The following PLXNA4 variants were observed in gnomAD, a reference collection of about 807,000 sequenced individuals.
PLXNA4 encodes the protein plexin-A4.
Under a neutral mutation model 191.8 loss-of-function variants are expected in PLXNA4, and 44 were observed. That is an observed-to-expected ratio of 0.23 (90% confidence interval 0.18 to 0.29). The LOEUF (loss-of-function observed/expected upper bound fraction) is 0.29. PLXNA4 is among the 10% of genes least tolerant of loss of function. The probability of loss-of-function intolerance (pLI) is 1.00; values close to 1 mark genes in which losing one functional copy is unlikely to be tolerated. For missense variants in PLXNA4, 1,800 were observed against 2,488.8 expected, an observed-to-expected ratio of 0.72 and a Z score of 5.89; for synonymous variants, 1,082 against 1,009.5, an observed-to-expected ratio of 1.07 and a Z score of -1.36.
intron 3 of PLXNA4, among the ~76,000 whole-genome samples, chr7:132,457,342 G>T (rs1796351246): frequency 6.6e-6 from 1 of 152,172 alleles, no homozygotes; most frequent in South Asian, 2.1e-4. Flanking sequence ...CATTACTGCT[G>T]AAAGTAAACA....
At chr7:132,479,192 C>A (rs1797243940) in intron 3 of PLXNA4, among the ~76,000 whole-genome samples, 1 of 151,676 alleles carries the variant, frequency 6.6e-6, no homozygotes, top group Non-Finnish European at 1.5e-5. Flanking sequence ...TCGCTAGAAC[C>A]CAGAAGTTTG....
chr7:132,568,581 C>T (rs912523056), intron 1 of PLXNA4, among the ~76,000 whole-genome samples: 2 of 152,204 alleles, frequency 1.3e-5, no homozygotes, highest in African/African-American at 2.4e-5. Context: ...CACGCCACCC[C>T]ACCCCAATTC....
chr7:132,313,348 G>A (rs983969273), intron 3 of PLXNA4, among the ~76,000 whole-genome samples: 5 of 152,204 alleles, frequency 3.3e-5, no homozygotes, highest in Admixed American at 6.5e-5. Flanking sequence ...GAAGTTGCAT[G>A]TGCCTGGAAC....
At chr7:132,593,164 T>C (rs759142838) in intron 2 of PLXNA4, among the ~76,000 whole-genome samples, 19 of 152,248 alleles carry the variant, frequency 1.2e-4, no homozygotes, top group Non-Finnish European at 2.6e-4. Context: ...CCTGGTGTTC[T>C]GCCAGTGGGG....
chr7:132,254,980 G>A (rs1206139171), intron 4 of PLXNA4, among the ~76,000 whole-genome samples: 16 of 152,052 alleles, frequency 1.1e-4, no homozygotes, highest in African/African-American at 3.6e-4. Context: ...GCTAATTTGG[G>A]CCCATTCTCA....
chr7:132,213,117 G>C (rs1166764363), intron 9 of PLXNA4, among the ~76,000 whole-genome samples: 1 of 152,248 alleles, frequency 6.6e-6, no homozygotes, highest in African/African-American at 2.4e-5. Context: ...GAACCTTGGG[G>C]ACATTATGCT....
chr7:132,181,371 C>A lies in PLXNA4; in HGVS notation c.3492+10G>T. ...TTTCCCACCCCCGCCTCCCACCACC[C>A]TCACTCCACCTTTAGGATGATGGGC... On this transcript the variant is annotated intron_variant, in intron 18 of 31. Transcript: ENST00000321063. 6.2e-7 allele frequency: 1 copy of A among 1,613,786 alleles called. No individual in the cohort carries two copies. The highest frequency in any genetic ancestry group is 1.1e-5 in the South Asian group (1 of 91,046).
At chr7:132,531,694 T>G (rs1281795868) in intron 1 of PLXNA4, among the ~76,000 whole-genome samples, 1 of 152,150 alleles carries the variant, frequency 6.6e-6, no homozygotes, top group East Asian at 1.9e-4. Context: ...AACTTTCGAG[T>G]GCTGTGACAA....
At chr7:132,492,379 T>A (rs1277241141) in intron 2 of PLXNA4, among the ~76,000 whole-genome samples, 1 of 152,202 alleles carries the variant, frequency 6.6e-6, no homozygotes, top group Non-Finnish European at 1.5e-5. Flanking sequence ...AGTATACATT[T>A]GGCTGGTTAC....
intron 2 of PLXNA4, among the ~76,000 whole-genome samples, chr7:132,497,607 T>TG (rs765554519): frequency 1.3e-5 from 2 of 152,212 alleles, no homozygotes; most frequent in African/African-American, 2.4e-5. Context: ...TCCAATCCTC[T>TG]GATTGCTTTC....
At chr7:132,442,362 CAAGA>C (rs1214890085) in intron 3 of PLXNA4, among the ~76,000 whole-genome samples, 1 of 152,114 alleles carries the variant, frequency 6.6e-6, no homozygotes, top group African/African-American at 2.4e-5. Context: ...AGCACTGAAA[CAAGA>C]AAGAGAAGCC....
intron 3 of PLXNA4, among the ~76,000 whole-genome samples, chr7:132,312,549 AAT>A (rs371999112): frequency 6.6e-6 from 1 of 152,188 alleles, no homozygotes; most frequent in African/African-American, 2.4e-5. Flanking sequence ...TATCAATAAT[AAT>A]ATATCCATTT....
chr7:132,366,153 C>A (rs1215187210), intron 3 of PLXNA4: 1 of 152,220 alleles, frequency 6.6e-6, no homozygotes, highest in Non-Finnish European at 1.5e-5. Flanking sequence ...TCAGTTCTTT[C>A]CTCACTTCCA....
intron 4 of PLXNA4, among the ~76,000 whole-genome samples, chr7:132,297,732 T>C (rs1584958713): frequency 6.6e-6 from 1 of 152,138 alleles, no homozygotes; most frequent in Non-Finnish European, 1.5e-5. Flanking sequence ...GCCAGGAAGG[T>C]GACTTTGGTA....
intron 1 of PLXNA4, among the ~76,000 whole-genome samples, chr7:132,542,248 C>T (rs1344569311): frequency 6.6e-6 from 1 of 152,100 alleles, no homozygotes; most frequent in East Asian, 1.9e-4. Context: ...ATATGGTTGA[C>T]ATTAAGTTTT....
intron 3 of PLXNA4, among the ~76,000 whole-genome samples, chr7:132,423,729 T>C (rs932218730): frequency 3.9e-5 from 6 of 152,192 alleles, no homozygotes; most frequent in Non-Finnish European, 8.8e-5. Flanking sequence ...CTCCCTGAAA[T>C]GATCCGATAA....
intron 3 of PLXNA4, among the ~76,000 whole-genome samples, chr7:132,471,532 G>A (rs988677116): frequency 1.3e-5 from 2 of 152,194 alleles, no homozygotes; most frequent in East Asian, 3.9e-4. Context: ...TACTCCCAGC[G>A]ATCACCTTGG....
At chr7:132,194,249 C>T in intron 13 of PLXNA4, 70 bp from the exon 14 acceptor site, 2 of 1,526,324 alleles carry the variant, frequency 1.3e-6, no homozygotes, top group Non-Finnish European at 1.8e-6. Flanking sequence ...CCCACAGCAC[C>T]TACCCAGGTC....
At position 132,481,973 on chromosome 7, in the gene PLXNA4, A is replaced by G. The variant is rs563630892; in HGVS notation, c.1371+7319T>C. ...CAATCAAAGCCACAAGCCAAAAGAC[A>G]GGATTCAGTGCCTGGGCCACTGGTG... On this transcript the variant is annotated intron_variant, in intron 3 of 31. Transcript: ENST00000321063. Among the ~76,000 whole-genome samples, 7 of 152,334 alleles carry G rather than the reference A, an allele frequency of 4.6e-5. No individual in the cohort carries two copies. In the East Asian group the frequency reaches 1.4e-3, roughly 29 times the overall value.
Sources: allele counts gnomAD v4.1 joint callset (sites outside exome capture counted in the v4.1 genomes callset), GRCh38; gene constraint gnomAD v4.1.1; transcripts MANE v1.5; gene names NCBI Gene and HGNC (gene_info 2026-07-23, HGNC 2026-07-21).